Variants in CMYA5 observed in about 807,000 individuals in gnomAD.
The protein encoded by CMYA5 is cardiomyopathy-associated protein 5.
In CMYA5, 246 loss-of-function variants were observed where a neutral mutation model predicts 318.9. The observed-to-expected ratio is 0.77, with a 90% CI of 0.70 to 0.86. The LOEUF (loss-of-function observed/expected upper bound fraction) is 0.86, where lower values mean the gene tolerates loss of function less well. CMYA5 is among the 40% of genes least tolerant of loss of function. The probability of loss-of-function intolerance (pLI) is 0.00; values close to 1 mark genes in which losing one functional copy is unlikely to be tolerated. For synonymous variants in CMYA5, 1,641 were observed against 1,729.5 expected (o/e 0.95, Z 1.27); for missense variants, 4,589 against 4,678.2 (o/e 0.98, Z 0.56).
chr5:79,786,729 T>G (rs1829088503), intron 9 of CMYA5, among the ~76,000 whole-genome samples: 1 of 152,224 alleles, frequency 6.6e-6, no homozygotes, highest in Non-Finnish European at 1.5e-5. Flanking sequence ...ATGAAGACTT[T>G]GGTGACATCT....
chr5:79,755,977 G>T (rs1828520094), intron 6 of CMYA5, among the ~76,000 whole-genome samples: 1 of 151,778 alleles, frequency 6.6e-6, no homozygotes. Context: ...ACAGCTCCAT[G>T]TATAATTCAT....
intron 7 of CMYA5, 134 bp downstream of exon 7, chr5:79,759,036 C>A: frequency 1.4e-6 from 1 of 726,714 alleles, no homozygotes; most frequent in Non-Finnish European, 2.0e-6. Context: ...AACAAAACCC[C>A]AACAACCATA....
intron 1 of CMYA5, 65 bp from the exon 2 acceptor site, chr5:79,728,846 TTTAC>T: frequency 1.4e-6 from 1 of 716,402 alleles, no homozygotes; most frequent in Non-Finnish European, 1.9e-6. Context: ...TAAAAATGTA[TTTAC>T]TTATTCTATT....
At chr5:79,796,324 ATT>A (rs34069132) in intron 12 of CMYA5, among the ~76,000 whole-genome samples, 2 of 149,494 alleles carry the variant, frequency 1.3e-5, no homozygotes, top group Non-Finnish European at 3.0e-5. Flanking sequence ...TTTAACTTTA[ATT>A]TTTTTTTTTC....
chr5:79,738,486 T>A lies in CMYA5; in HGVS notation c.9721T>A (p.Tyr3241Asn). ...TGGAACAGGAATATATTTTGAGAAGTACATACTCAAAGATGACATTCTCCA... is the reference window on the plus strand; with the variant it reads ...TGGAACAGGAATATATTTTGAGAAGAACATACTCAAAGATGACATTCTCCA... ...DDGTGIYFEK[Y>N]ILKDDILHDT... The change falls in exon 2 of 13, where the codon TAC becomes AAC. Residue 3241 changes from tyrosine to asparagine, a missense_variant. This residue lies in a region of CMYA5 where 2,431 missense variants were observed against 2,495.1 expected (regional missense o/e 0.97). Transcript: ENST00000446378. The A allele has an allele frequency of 2.5e-6, 4 of 1,613,512 alleles. No homozygotes were observed. The highest frequency in any genetic ancestry group is 1.1e-5 in the South Asian group (1 of 91,066).
chr5:79,740,418 G>T (rs1245330289), intron 2 of CMYA5, among the ~76,000 whole-genome samples: 1 of 152,182 alleles, frequency 6.6e-6, no homozygotes, highest in Non-Finnish European at 1.5e-5. Context: ...ACTGCAAAAA[G>T]CAGTTTCCTT....
chr5:79,798,844 GT>G (rs1028852126), intron 12 of CMYA5, among the ~76,000 whole-genome samples: 66 of 152,334 alleles, frequency 4.3e-4, no homozygotes, highest in African/African-American at 1.4e-3. Context: ...AGGAGAGTTG[GT>G]TTGGGGAAGG....
chr5:79,731,935 AG>A lies in CMYA5; in HGVS notation c.3171del (p.Gln1057HisfsTer15). The A allele has an allele frequency of 6.2e-7, 1 of 1,613,064 alleles. No individual in the cohort carries two copies. On this transcript the variant is annotated frameshift_variant, in exon 2 of 13. Coordinates refer to ENST00000446378, the MANE Select transcript of CMYA5 (RefSeq NM_153610.5). LOFTEE classifies it high-confidence loss of function. ...ACAGCTGCTACACCTGTATCTGAGC[AG>A]TTCAGTTCATCACAGAAGCAAAAAG... ...GSTAATPVSE[Q>X]FSSSQKQKAE...
In CMYA5 at chr5:79,735,934, C is replaced by T. The variant is rs1171557864; in HGVS notation, c.7169C>T (p.Ser2390Leu). 2 of 1,609,748 alleles carry T rather than the reference C, an allele frequency of 1.2e-6. No homozygotes were observed. Among genetic ancestry groups the T allele is most frequent in the East Asian group, 2.2e-5 (1 of 44,868 alleles). The change falls in exon 2 of 13, where the codon TCA becomes TTA. Residue 2390 changes from serine to leucine, a missense_variant. Coordinates refer to ENST00000446378, the MANE Select transcript of CMYA5 (RefSeq NM_153610.5). ...VVDKVPQQPK[S>L]ASSNFASKNI... is the part of the protein sequence containing the mutation. ...GATAAGGTGCCACAACAGCCAAAAT[C>T]AGCTTCCTCCAACTTTGCAAGTAAA... is the stretch of plus-strand genomic sequence containing the variant.
chr5:79,786,622 T>TAA (rs1829086174), intron 9 of CMYA5, among the ~76,000 whole-genome samples: 1 of 152,166 alleles, frequency 6.6e-6, no homozygotes, highest in South Asian at 2.1e-4. Context: ...TTTCTAAAAT[T>TAA]AAAAAAATCA....
intron 1 of CMYA5, among the ~76,000 whole-genome samples, chr5:79,709,240 A>G (rs1339679822): frequency 6.6e-6 from 1 of 152,222 alleles, no homozygotes; most frequent in Non-Finnish European, 1.5e-5. Flanking sequence ...AGCCTGAAAA[A>G]ATTATTTTGC....
intron 1 of CMYA5, among the ~76,000 whole-genome samples, chr5:79,701,090 C>CAAAAAAAAA (rs1554097982): frequency 3.5e-4 from 40 of 114,920 alleles, no homozygotes; most frequent in East Asian, 1.3e-3. Context: ...ACTAAAAATA[C>CAAAAAAAAA]AAAAAAAAAA....
In CMYA5 at chr5:79,733,829, T is replaced by C; in HGVS notation, c.5064T>C (p.Leu1688=). The C allele has an allele frequency of 6.2e-7, 1 of 1,613,702 alleles. No individual in the cohort carries two copies. Among genetic ancestry groups the C allele is most frequent in the Non-Finnish European group, 8.5e-7 (1 of 1,179,804 alleles). ...SREGKEENRE[L]CASSTMPAIS... is the part of the protein sequence containing the mutation. ...AAGGAAAAGAAGAAAATAGAGAGCT[T>C]TGTGCATCTTCTACGATGCCTGCAA... Residue 1688 remains leucine, a synonymous_variant, in exon 2 of 13, where the codon CTT becomes CTC. Transcript: ENST00000446378.
At position 79,745,254 on chromosome 5, in the gene CMYA5, A is replaced by C; in HGVS notation, c.10767A>C (p.Glu3589Asp). Residue 3589 changes from glutamate (E) to aspartate (D), a missense_variant, in exon 4 of 13, where the codon GAA becomes GAC. By Grantham distance (45) the Glu-to-Asp change is conservative. Coordinates refer to ENST00000446378, the MANE Select transcript of CMYA5 (RefSeq NM_153610.5). ...GTAGTAAAAATGAGAAAAGGCTAGA[A>C]GAACAGAATGAGGAAATGATGAAGA... The part of the protein sequence containing the change: ...ENCSKNEKRL[E>D]EQNEEMMKKV... 6.2e-7 allele frequency: 1 copy of C among 1,600,696 alleles called. No homozygotes were observed. The highest frequency in any genetic ancestry group is 8.5e-7 in the Non-Finnish European group (1 of 1,172,888).
chr5:79,790,204 A>G (rs1473293530), intron 10 of CMYA5, among the ~76,000 whole-genome samples: 1 of 152,048 alleles, frequency 6.6e-6, no homozygotes, highest in Non-Finnish European at 1.5e-5. Flanking sequence ...TGTTCTCCCC[A>G]CAGTCCCAAT....
intron 1 of CMYA5, among the ~76,000 whole-genome samples, chr5:79,691,051 T>A (rs1024474771): frequency 1.3e-5 from 2 of 152,204 alleles, no homozygotes; most frequent in African/African-American, 2.4e-5. Context: ...AAGGACCTTG[T>A]GGAAAAAGTT....
At chr5:79,778,811 C>CTGTGTGTGTGTGTGTGTGTGTATGTGTA (rs1554037557) in intron 9 of CMYA5, among the ~76,000 whole-genome samples, 2 of 85,022 alleles carry the variant, frequency 2.4e-5, no homozygotes, top group African/African-American at 1.3e-4. Context: ...CTCTCTCTTT[C>CTGTGTGTGTGTGTGTGTGTGTATGTGTA]TGTGTGTGTG....
Position 79,736,357 on chromosome 5 carries a change from T to A in CMYA5, c.7592T>A (p.Val2531Asp), listed in dbSNP as rs933756333. The part of the protein sequence containing the change: ...EDYNERPKII[V>D]GSEKEKGEEK... ...TACAATGAAAGACCCAAAATCATTG[T>A]TGGTTCTGAAAAGGAGAAAGGTGAA... The change falls in exon 2 of 13, where the codon GTT (valine) becomes GAT (aspartate). Residue 2531 changes from valine (V) to aspartate (D), a missense_variant. Transcript: ENST00000446378. 6.2e-7 allele frequency: 1 copy of A among 1,613,532 alleles called. No individual in the cohort carries two copies. Among genetic ancestry groups the A allele is most frequent in the Non-Finnish European group, 8.5e-7 (1 of 1,179,740 alleles).
In CMYA5 at chr5:79,751,010, G is replaced by A. The variant is rs62363678; in HGVS notation, c.10992-1666G>A. The stretch of plus-strand genomic sequence containing the variant: ...TGTTCATTCTGAGCCTATCATTTCC[G>A]CCCTCTCCATCCCCACAGTCTTAAT... On this transcript the variant is annotated intron_variant, in intron 5 of 12. Coordinates refer to ENST00000446378, the MANE Select transcript of CMYA5 (RefSeq NM_153610.5). Among the ~76,000 whole-genome samples, 303 of 151,996 alleles carry A rather than the reference G, an allele frequency of 2.0e-3. 1 individual carries two copies. The highest frequency in any genetic ancestry group is 3.3e-3 in the Non-Finnish European group (224 of 67,980).
Sources: allele counts gnomAD v4.1 joint callset (sites outside exome capture counted in the v4.1 genomes callset), GRCh38; gene constraint gnomAD v4.1.1; regional missense constraint gnomAD v4.1.1; transcripts MANE v1.5; gene names NCBI Gene and HGNC (gene_info 2026-07-23, HGNC 2026-07-21).